Variants in WDR81 observed in about 807,000 individuals in gnomAD.
WDR81 encodes the protein WD repeat domain 81, also known as WD repeat-containing protein 81.
In WDR81, 92 loss-of-function variants were observed where a neutral mutation model predicts 140.8. The ratio of observed to expected loss-of-function variants is 0.65; its 90% CI spans 0.55 to 0.78. WDR81 has a LOEUF of 0.78. Among genes scored for constraint, WDR81 ranks in the 30% least tolerant of loss-of-function variants. The pLI is 0.00. For synonymous variants in WDR81, 1,183 were observed against 1,156.4 expected (o/e 1.02, Z -0.47); for missense variants, 2,502 against 2,636.4 (o/e 0.95, Z 1.12).
Position 1,738,384 on chromosome 17 carries a change from G to C in WDR81, c.*699G>C, listed in dbSNP as rs1253891067. 6.5e-6 allele frequency: 1 copy of C among 153,314 alleles called. No individual in the cohort carries two copies. Among genetic ancestry groups the C allele is most frequent in the East Asian group, 1.9e-4 (1 of 5,194 alleles). 9.5% of individuals were successfully genotyped at this position (153,314 alleles called of 1,614,324 possible). The stretch of plus-strand genomic sequence containing the variant: ...GCTGAGGGGGCAGCCTCTGGGCCCT[G>C]AACCCCTGCTGGGGCTCCACGACCC... On this transcript the variant is annotated 3_prime_UTR_variant, in exon 10 of 10. Transcript: ENST00000409644.
At chr17:1,728,659 A>G (rs752391661) in intron 1 of WDR81, 33 bp downstream of exon 1, 1 of 1,444,408 alleles carries the variant, frequency 6.9e-7, no homozygotes, top group African/African-American at 1.4e-5. Context: ...TGTTGGTCAA[A>G]AACACCTCCT....
Position 1,725,270 on chromosome 17 carries a change from G to A in WDR81, c.311G>A (p.Arg104His), listed in dbSNP as rs761128924. 1.3e-6 allele frequency: 2 copies of A among 1,545,194 alleles called. No individual in the cohort carries two copies. The highest frequency in any genetic ancestry group is 1.4e-5 in the African/African-American group (1 of 73,066). Residue 104 changes from arginine (R) to histidine (H), a missense_variant, in exon 1 of 10, where the codon CGC becomes CAC. This residue lies in a region of WDR81 where 547 missense variants were observed against 513.8 expected (regional missense o/e 1.06). Coordinates refer to ENST00000409644, the MANE Select transcript of WDR81 (RefSeq NM_001163809.2). ...SVQRLPAGWT[R>H]VEVHGLRKRR... ...CAAAGGCTGCCTGCCGGCTGGACGCGCGTGGAGGTGCATGGGCTGCGGAAG... is the reference window on the plus strand; with the variant it reads ...CAAAGGCTGCCTGCCGGCTGGACGCACGTGGAGGTGCATGGGCTGCGGAAG...
chr17:1,725,253 G>C lies in WDR81; in HGVS notation c.294G>C (p.Leu98=). ...TCCTGCAGCGCTCTGTGCAAAGGCTGCCTGCCGGCTGGACGCGCGTGGAGG... is the reference window on the plus strand; with the variant it reads ...TCCTGCAGCGCTCTGTGCAAAGGCTCCCTGCCGGCTGGACGCGCGTGGAGG... ...RTLLQRSVQR[L]PAGWTRVEVH... is the part of the protein sequence containing the mutation. Residue 98 remains leucine (L), a synonymous_variant, in exon 1 of 10, where the codon CTG becomes CTC. Coordinates refer to ENST00000409644, the MANE Select transcript of WDR81 (RefSeq NM_001163809.2). 6.5e-7 allele frequency: 1 copy of C among 1,543,572 alleles called. No individual in the cohort carries two copies. Among genetic ancestry groups the C allele is most frequent in the Non-Finnish European group, 8.7e-7 (1 of 1,146,936 alleles).
At chr17:1,720,125 CACT>C (rs2151155521), upstream of WDR81, among the ~76,000 whole-genome samples, 1 of 152,356 alleles carries the variant, frequency 6.6e-6, no homozygotes, top group East Asian at 1.9e-4. Flanking sequence ...GCAGCTGGTG[CACT>C]ACTTTTCTCC....
chr17:1,723,431 A>G (rs1275541760), upstream of WDR81, among the ~76,000 whole-genome samples: 2 of 145,528 alleles, frequency 1.4e-5, no homozygotes, highest in African/African-American at 5.0e-5. Flanking sequence ...TTATTTATTT[A>G]TTTGGTTTTA....
intron 9 of WDR81, among the ~76,000 whole-genome samples, chr17:1,736,441 C>T (rs372224729): frequency 1.8e-4 from 28 of 152,182 alleles, no homozygotes; most frequent in East Asian, 7.7e-4. Context: ...GCGGGAGCCA[C>T]GGGGCAGTGG....
chr17:1,726,342 G>A lies in WDR81; in HGVS notation c.1383G>A (p.Ser461=), dbSNP rs761313948. The part of the protein sequence containing the change: ...YVYKARRTPR[S]VLCGHVRAQW... ...ACAAGGCTCGGCGCACGCCTCGGTC[G>A]GTGCTCTGCGGACACGTCCGCGCGC... is the stretch of plus-strand genomic sequence containing the variant. The change falls in exon 1 of 10, where the codon TCG becomes TCA. Residue 461 remains serine (S), a synonymous_variant. Transcript: ENST00000409644. The A allele has an allele frequency of 3.9e-6, 6 of 1,545,162 alleles. No individual in the cohort carries two copies. Among genetic ancestry groups the A allele is most frequent in the South Asian group, 2.4e-5 (2 of 83,746 alleles).
chr17:1,730,553 G>A (rs544646655), intron 2 of WDR81, 66 bp downstream of exon 2: 36 of 1,515,910 alleles, frequency 2.4e-5, no homozygotes, highest in Middle Eastern at 1.7e-4. Context: ...TAGCTTCAGC[G>A]CTCTCCGGCG....
Position 1,726,592 on chromosome 17 carries a change from A to G in WDR81, c.1633A>G (p.Ile545Val). 12 of 1,550,130 alleles carry G rather than the reference A, an allele frequency of 7.7e-6. No individual in the cohort carries two copies. Among genetic ancestry groups the G allele is most frequent in the Non-Finnish European group, 8.7e-6 (10 of 1,146,940 alleles). ...REVSRDLHHW[I>V]DLTFGYKLQG... ...GGTATCCCGGGACCTGCACCATTGG[A>G]TCGACCTCACGTTTGGCTATAAACT... Residue 545 changes from isoleucine (I) to valine (V), a missense_variant, in exon 1 of 10, where the codon ATC becomes GTC. This residue lies in a region of WDR81 where 218 missense variants were observed against 279.6 expected (regional missense o/e 0.78). Coordinates refer to ENST00000409644, the MANE Select transcript of WDR81 (RefSeq NM_001163809.2).
At position 1,728,189 on chromosome 17, in the gene WDR81, C is replaced by T; in HGVS notation, c.3230C>T (p.Ala1077Val). 1 of 1,605,544 alleles carries T rather than the reference C, an allele frequency of 6.2e-7. No homozygotes were observed. The highest frequency in any genetic ancestry group is 8.5e-7 in the Non-Finnish European group (1 of 1,174,352). ...YTSGVSFHDQ[A>V]DLPETEDFQA... The stretch of plus-strand genomic sequence containing the variant: ...TCTGGCGTCAGCTTCCACGACCAGG[C>T]TGACCTCCCTGAGACAGAGGACTTC... The change falls in exon 1 of 10, where the codon GCT becomes GTT. Residue 1077 changes from alanine to valine, a missense_variant. Ala to Val is a moderately conservative substitution (Grantham distance 64). Around this residue, in one of 3 missense-constraint regions of WDR81, gnomAD observed 1,737 missense variants for 1,843.0 expected, o/e 0.94. Coordinates refer to ENST00000409644, the MANE Select transcript of WDR81 (RefSeq NM_001163809.2).
At position 1,727,511 on chromosome 17, in the gene WDR81, T is replaced by C. The variant is rs1915367280; in HGVS notation, c.2552T>C (p.Val851Ala). Residue 851 changes from valine to alanine, a missense_variant, in exon 1 of 10, where the codon GTC becomes GCC. This residue lies in a region of WDR81 where 1,737 missense variants were observed against 1,843.0 expected (regional missense o/e 0.94). Coordinates refer to ENST00000409644, the MANE Select transcript of WDR81 (RefSeq NM_001163809.2). ...KLDQLFEYRP[V>A]SQGLPPPCPS... ...GACCAACTGTTTGAGTACAGGCCTG[T>C]CTCCCAGGGCCTGCCCCCACCCTGC... 1 of 1,550,222 alleles carries C rather than the reference T, an allele frequency of 6.5e-7. No homozygotes were observed. The highest frequency in any genetic ancestry group is 1.4e-5 in the African/African-American group (1 of 73,036).
chr17:1,725,080 G>C lies in WDR81; in HGVS notation c.121G>C (p.Asp41His). 1 of 1,491,884 alleles carries C rather than the reference G, an allele frequency of 6.7e-7. No homozygotes were observed. Among genetic ancestry groups the C allele is most frequent in the African/African-American group, 1.4e-5 (1 of 71,992 alleles). The allele number at this position is 1,491,884 out of a possible 1,614,324, so 92.4% of individuals were successfully genotyped here. ...LRSVERDLSIDPRQLAPAPGG... is the reference protein window; with the variant it reads ...LRSVERDLSIHPRQLAPAPGG... ...GAGCGTGGAGAGGGACCTGAGCATC[G>C]ATCCCAGGCAGCTGGCTCCGGCCCC... Residue 41 changes from aspartate (D) to histidine (H), a missense_variant, in exon 1 of 10, where the codon GAT becomes CAT. Physicochemically the swap from Asp to His is moderately conservative, Grantham distance 81. Transcript: ENST00000409644.
At position 1,726,327 on chromosome 17, in the gene WDR81, G is replaced by T; in HGVS notation, c.1368G>T (p.Arg456=). 6.5e-7 allele frequency: 1 copy of T among 1,544,204 alleles called. No individual in the cohort carries two copies. The highest frequency in any genetic ancestry group is 8.8e-7 in the Non-Finnish European group (1 of 1,142,522). Reference sequence around the variant, plus strand: ...TCACGTACTATGTGTACAAGGCTCGGCGCACGCCTCGGTCGGTGCTCTGCG... The same window carrying T: ...TCACGTACTATGTGTACAAGGCTCGTCGCACGCCTCGGTCGGTGCTCTGCG... The part of the protein sequence containing the change: ...SDITYYVYKA[R]RTPRSVLCGH... The change falls in exon 1 of 10, where the codon CGG becomes CGT. Residue 456 remains arginine (R), a synonymous_variant. Coordinates refer to ENST00000409644, the MANE Select transcript of WDR81 (RefSeq NM_001163809.2).
chr17:1,727,395 G>C lies in WDR81; in HGVS notation c.2436G>C (p.Lys812Asn). The change falls in exon 1 of 10, where the codon AAG (lysine) becomes AAC (asparagine). Residue 812 changes from lysine to asparagine, a missense_variant. Transcript: ENST00000409644. Reference sequence around the variant, plus strand: ...GAGGGCTCTGCACGCGCCACCCCAAGGAGGTCCCTGTGTCTTTGCAGCCCG... The same window carrying C: ...GAGGGCTCTGCACGCGCCACCCCAACGAGGTCCCTGTGTCTTTGCAGCCCG... ...AVRGLCTRHP[K>N]EVPVSLQPVL... 6.5e-7 allele frequency: 1 copy of C among 1,550,278 alleles called. No homozygotes were observed. Among genetic ancestry groups the C allele is most frequent in the Non-Finnish European group, 8.7e-7 (1 of 1,146,974 alleles).
rs1233157922 is a variant in WDR81 at position 1,730,260 on chromosome 17, G to A, written c.3668-120G>A. On this transcript the variant is annotated intron_variant, in intron 1 of 9. Transcript: ENST00000409644. ...GGGGGTGGTGTGGGACAGCCGGCCC[G>A]GGCTGGGCTCTTGGCAGAGCTGCAG... The A allele has an allele frequency of 2.5e-5, 20 of 797,094 alleles. 1 individual carries two copies. The highest frequency in any genetic ancestry group is 8.9e-5 in the South Asian group (5 of 56,130). 49.4% of individuals were successfully genotyped at this position (797,094 alleles called of 1,614,324 possible).
At position 1,727,482 on chromosome 17, in the gene WDR81, G is replaced by C. The variant is rs1485440589; in HGVS notation, c.2523G>C (p.Lys841Asn). ...TCCCCATGGGAGCAGAGAGGGGCAAGCTGGACCAACTGTTTGAGTACAGGC... is the reference window on the plus strand; with the variant it reads ...TCCCCATGGGAGCAGAGAGGGGCAACCTGGACCAACTGTTTGAGTACAGGC... ...PEVPMGAERG[K>N]LDQLFEYRPV... is the part of the protein sequence containing the mutation. The change falls in exon 1 of 10, where the codon AAG (lysine) becomes AAC (asparagine). Residue 841 changes from lysine to asparagine, a missense_variant. Around this residue, in one of 3 missense-constraint regions of WDR81, gnomAD observed 1,737 missense variants for 1,843.0 expected, o/e 0.94. Transcript: ENST00000409644. 6.4e-7 allele frequency: 1 copy of C among 1,550,410 alleles called. No homozygotes were observed. The highest frequency in any genetic ancestry group is 8.7e-7 in the Non-Finnish European group (1 of 1,146,996).
At chr17:1,734,266 C>G (rs1315122603) in intron 7 of WDR81, 50 bp downstream of exon 7, 2 of 1,477,696 alleles carry the variant, frequency 1.4e-6, no homozygotes, top group Non-Finnish European at 1.8e-6. Context: ...TGCGCCCCAC[C>G]AGGCCTCCAG....
In WDR81 at chr17:1,733,946, C is replaced by T; in HGVS notation, c.4909C>T (p.His1637Tyr). The change falls in exon 7 of 10, where the codon CAC (histidine) becomes TAC (tyrosine). Residue 1637 changes from histidine to tyrosine, a missense_variant. His to Tyr is a moderately conservative substitution (Grantham distance 83, BLOSUM62 2). This residue lies in a region of WDR81 where 1,737 missense variants were observed against 1,843.0 expected (regional missense o/e 0.94). Coordinates refer to ENST00000409644, the MANE Select transcript of WDR81 (RefSeq NM_001163809.2). ...CCAGCAGGATGCCCACTTTCACTTC[C>T]ACCAGATCCGCCTGCAGAGCTTCCC... ...VSQQDAHFHFHQIRLQSFPGH... is the reference protein window; with the variant it reads ...VSQQDAHFHFYQIRLQSFPGH... The T allele has an allele frequency of 1.2e-6, 2 of 1,612,846 alleles. No homozygotes were observed. Among genetic ancestry groups the T allele is most frequent in the East Asian group, 2.2e-5 (1 of 44,878 alleles).
At chr17:1,728,742 C>A in intron 1 of WDR81, 116 bp downstream of exon 1, 1 of 1,303,492 alleles carries the variant, frequency 7.7e-7, no homozygotes, top group Non-Finnish European at 1.0e-6. Context: ...ATCACAAGGT[C>A]AGGAGATCGA....
Sources: allele counts gnomAD v4.1 joint callset (sites outside exome capture counted in the v4.1 genomes callset), GRCh38; gene constraint gnomAD v4.1.1; regional missense constraint gnomAD v4.1.1; transcripts MANE v1.5; gene names NCBI Gene and HGNC (gene_info 2026-07-23, HGNC 2026-07-21).